The following AUTS2 variants were observed in gnomAD, a reference collection of about 807,000 sequenced individuals.
AUTS2 encodes autism susceptibility gene 2 protein.
A neutral mutation model predicts 112.4 loss-of-function variants in AUTS2; 17 were observed. The observed-to-expected ratio is 0.15, with a 90% CI of 0.10 to 0.23. AUTS2 has a LOEUF of 0.23. Among genes scored for constraint, AUTS2 ranks in the 10% least tolerant of loss-of-function variants. The pLI is 1.00. For missense variants in AUTS2, 1,510 were observed against 1,701.6 expected (o/e 0.89, Z 1.98); for synonymous variants, 751 against 702.7 (o/e 1.07, Z -1.09).
chr7:70,454,426 A>G (rs1796653078), intron 5 of AUTS2, among the ~76,000 whole-genome samples: 1 of 151,968 alleles, frequency 6.6e-6, no homozygotes, highest in Non-Finnish European at 1.5e-5. Context: ...AATCCCAGCT[A>G]CTCTGGAGGC....
chr7:70,015,953 A>G (rs1240639897), intron 2 of AUTS2, among the ~76,000 whole-genome samples: 1 of 152,030 alleles, frequency 6.6e-6, no homozygotes, highest in Non-Finnish European at 1.5e-5. Context: ...TCAAACTTTA[A>G]ATTTAAAATT....
chr7:70,453,911 C>T (rs1195278519), intron 5 of AUTS2, among the ~76,000 whole-genome samples: 1 of 152,180 alleles, frequency 6.6e-6, no homozygotes, highest in Non-Finnish European at 1.5e-5. Flanking sequence ...ACATTCAAGG[C>T]AGACAAGGAG....
intron 3 of AUTS2, chr7:70,119,796 A>C (rs936752911): frequency 1.6e-5 from 2 of 123,454 alleles, no homozygotes; most frequent in Non-Finnish European, 3.7e-5. Context: ...ATTAAGAATA[A>C]ATAAAGGATA....
Position 70,582,834 on chromosome 7 carries a change from A to T in AUTS2, c.691-115735A>T, listed in dbSNP as rs541617091. ...ATTGTCCCACCATGTTGCTGCCTTT[A>T]AAAAAAATGTGTTGTATATATAACC... On this transcript the variant is annotated intron_variant, in intron 5 of 18. Coordinates refer to ENST00000342771, the MANE Select transcript of AUTS2 (RefSeq NM_015570.4). Among the ~76,000 whole-genome samples, 20 of 151,928 alleles carry T rather than the reference A, an allele frequency of 1.3e-4. No individual in the cohort carries two copies. The East Asian group carries it at 3.1e-3, about 23-fold the overall frequency.
intron 1 of AUTS2, among the ~76,000 whole-genome samples, chr7:69,612,418 T>G (rs1328652105): frequency 6.6e-6 from 1 of 152,120 alleles, no homozygotes; most frequent in Admixed American, 6.5e-5. Context: ...GACTAGAACC[T>G]TGGAAAAGAG....
intron 4 of AUTS2, among the ~76,000 whole-genome samples, chr7:70,146,114 C>T (rs1807109875): frequency 6.6e-6 from 1 of 152,080 alleles, no homozygotes; most frequent in South Asian, 2.1e-4. Context: ...GACTAACAGC[C>T]TCTCAGTCTT....
At chr7:70,491,691 T>G (rs1308492863) in intron 5 of AUTS2, among the ~76,000 whole-genome samples, 3 of 150,996 alleles carry the variant, frequency 2.0e-5, no homozygotes, top group Non-Finnish European at 2.9e-5. Flanking sequence ...CTCAGCTCAC[T>G]GCAACCTCTG....
rs540004352 is a variant in AUTS2 at position 69,801,009 on chromosome 7, CCCT to C, written c.310-98275_310-98273del. Among the ~76,000 whole-genome samples the C allele has an allele frequency of 2.4e-3, 367 of 152,126 alleles. 3 individuals carry two copies. Among genetic ancestry groups the C allele is most frequent in the African/African-American group, 8.6e-3 (355 of 41,468 alleles). On this transcript the variant is annotated intron_variant, in intron 1 of 18. Coordinates refer to ENST00000342771, the MANE Select transcript of AUTS2 (RefSeq NM_015570.4). Reference sequence around the variant, plus strand: ...ATTCCTGCTGTATGCTTCTATGGTCCCCTCATTTCCCCTAGAATAACTTACTAC... The same window carrying C: ...ATTCCTGCTGTATGCTTCTATGGTCCCATTTCCCCTAGAATAACTTACTAC...
intron 4 of AUTS2, among the ~76,000 whole-genome samples, chr7:70,385,418 A>G (rs969128280): frequency 3.3e-5 from 5 of 152,222 alleles, no homozygotes; most frequent in African/African-American, 1.2e-4. Context: ...CTGGGTGGCA[A>G]TAATATATTA....
intron 5 of AUTS2, among the ~76,000 whole-genome samples, chr7:70,626,418 T>A (rs961268149): frequency 2.0e-5 from 3 of 150,840 alleles, no homozygotes; most frequent in Non-Finnish European, 3.0e-5. Flanking sequence ...TTTTAAGTAC[T>A]GGTAGGACTG....
chr7:70,322,807 T>C (rs1169621908), intron 4 of AUTS2, among the ~76,000 whole-genome samples: 2 of 152,186 alleles, frequency 1.3e-5, no homozygotes, highest in South Asian at 4.1e-4. Context: ...CCTGTACGGA[T>C]ACCAATTCAT....
intron 6 of AUTS2, among the ~76,000 whole-genome samples, chr7:70,740,344 A>G (rs1386484850): frequency 6.6e-6 from 1 of 152,096 alleles, no homozygotes; most frequent in African/African-American, 2.4e-5. Context: ...TTAACCCATC[A>G]TTTCAGCTTG....
intron 2 of AUTS2, among the ~76,000 whole-genome samples, chr7:70,090,017 T>C (rs560496499): frequency 0.011 from 1,689 of 147,756 alleles, 45 homozygotes; most frequent in African/African-American, 0.039. Flanking sequence ...AACAAATAAA[T>C]AAATAAATAA....
chr7:70,139,859 G>A (rs1253479564), intron 4 of AUTS2, among the ~76,000 whole-genome samples: 1 of 152,018 alleles, frequency 6.6e-6, no homozygotes, highest in African/African-American at 2.4e-5. Flanking sequence ...AAATTAACTG[G>A]GCGTGGTGGC....
chr7:70,496,756 C>A (rs1324299423), intron 5 of AUTS2, among the ~76,000 whole-genome samples: 1 of 138,798 alleles, frequency 7.2e-6, no homozygotes, highest in African/African-American at 2.7e-5. Context: ...CGATCACACA[C>A]CCCACTCACA....
At chr7:69,793,983 G>A (rs1361057277) in intron 1 of AUTS2, among the ~76,000 whole-genome samples, 2 of 152,178 alleles carry the variant, frequency 1.3e-5, no homozygotes, top group Non-Finnish European at 2.9e-5. Flanking sequence ...CAAAGCGGGG[G>A]TGATTGGAGC....
chr7:70,177,917 T>C (rs1809078062), intron 4 of AUTS2, among the ~76,000 whole-genome samples: 1 of 151,090 alleles, frequency 6.6e-6, no homozygotes, highest in African/African-American at 2.4e-5. Flanking sequence ...AACATAATTC[T>C]GTTTTTTTTT....
rs553659568 is a variant in AUTS2, at chr7:70,572,409, G to A, written c.691-126160G>A. On this transcript the variant is annotated intron_variant, in intron 5 of 18. Coordinates refer to ENST00000342771, the MANE Select transcript of AUTS2 (RefSeq NM_015570.4). ...CAGGAATCATAATAGCTTATTTCATGTGCCTTTGAAGGGTTCCAGCAAATG... is the reference window on the plus strand; with the variant it reads ...CAGGAATCATAATAGCTTATTTCATATGCCTTTGAAGGGTTCCAGCAAATG... Among the ~76,000 whole-genome samples, 319 of 139,464 alleles carry A rather than the reference G, an allele frequency of 2.3e-3. 2 individuals carry two copies. The highest frequency in any genetic ancestry group is 4.2e-3 in the Non-Finnish European group (275 of 65,592). The allele number at this position is 139,464 out of a possible 152,430, so 91.5% of individuals were successfully genotyped here.
At chr7:70,670,396 G>A (rs1807574722) in intron 5 of AUTS2, among the ~76,000 whole-genome samples, 1 of 152,338 alleles carries the variant, frequency 6.6e-6, no homozygotes, top group Non-Finnish European at 1.5e-5. Context: ...AACAGAAAGT[G>A]TTGAATAAGG....
Sources: gnomAD v4.1 joint callset for allele counts (sites outside exome capture counted in the v4.1 genomes callset) on GRCh38, gnomAD v4.1.1 for gene constraint, MANE v1.5 for transcripts, NCBI Gene and HGNC (gene_info 2026-07-23, HGNC 2026-07-21) for gene names.